The following KCNQ5 variants were observed in gnomAD, a reference collection of about 807,000 sequenced individuals.
KCNQ5 encodes potassium voltage-gated channel subfamily Q member 5.
In KCNQ5, 30 loss-of-function variants were observed where a neutral mutation model predicts 98.2. The ratio of observed to expected loss-of-function variants is 0.31; its 90% confidence interval spans 0.23 to 0.41. The LOEUF is 0.41. KCNQ5 is among the 10% of genes least tolerant of loss of function. KCNQ5 has a pLI of 1.00. For missense variants in KCNQ5, 835 were observed against 1,182.5 expected (o/e 0.71, Z 4.31); for synonymous variants, 458 against 449.4 (o/e 1.02, Z -0.24).
intron 1 of KCNQ5, among the ~76,000 whole-genome samples, chr6:72,866,571 T>C (rs1482082023): frequency 6.6e-6 from 1 of 152,160 alleles, no homozygotes; most frequent in Non-Finnish European, 1.5e-5. Flanking sequence ...TCTCCATCTT[T>C]ATCCTCCTTT....
At chr6:72,658,580 T>TATA (rs35213829) in intron 1 of KCNQ5, among the ~76,000 whole-genome samples, 1,240 of 64,366 alleles carry the variant, frequency 0.019, 22 homozygotes, top group African/African-American at 0.057. Context: ...ATATATATAT[T>TATA]TTTTTTTTTT....
At chr6:73,020,905 A>C (rs925471119) in intron 2 of KCNQ5, among the ~76,000 whole-genome samples, 3 of 149,940 alleles carry the variant, frequency 2.0e-5, no homozygotes, top group Non-Finnish European at 2.9e-5. Flanking sequence ...ATTTCCCTTA[A>C]AGGTGCCCAC....
At chr6:72,816,507 T>C (rs1775515335) in intron 1 of KCNQ5, among the ~76,000 whole-genome samples, 1 of 152,168 alleles carries the variant, frequency 6.6e-6, no homozygotes, top group Non-Finnish European at 1.5e-5. Flanking sequence ...GAGTTTCCAG[T>C]GCCCCATAAA....
chr6:72,830,656 G>A (rs1034182303), intron 1 of KCNQ5, among the ~76,000 whole-genome samples: 27 of 152,094 alleles, frequency 1.8e-4, no homozygotes, highest in East Asian at 5.8e-4. Context: ...CGGCAATACC[G>A]TTCAGGACAT....
At chr6:72,936,441 T>C (rs1015387696) in intron 1 of KCNQ5, among the ~76,000 whole-genome samples, 1 of 152,156 alleles carries the variant, frequency 6.6e-6, no homozygotes, top group Non-Finnish European at 1.5e-5. Context: ...AAACACTCAG[T>C]AAATATTTAT....
intron 1 of KCNQ5, among the ~76,000 whole-genome samples, chr6:72,698,739 C>T (rs912984053): frequency 7.0e-6 from 1 of 143,386 alleles, no homozygotes; most frequent in African/African-American, 2.6e-5. Context: ...TCATAACTCA[C>T]TGCAACCTGG....
intron 5 of KCNQ5, among the ~76,000 whole-genome samples, chr6:73,082,548 G>A (rs1190207151): frequency 1.3e-5 from 2 of 152,120 alleles, no homozygotes; most frequent in Admixed American, 6.5e-5. Flanking sequence ...CCAATATCGT[G>A]ATGTAAAGAT....
intron 1 of KCNQ5, among the ~76,000 whole-genome samples, chr6:72,962,364 G>A (rs1767419133): frequency 6.6e-6 from 1 of 151,122 alleles, no homozygotes; most frequent in South Asian, 2.1e-4. Context: ...AGAGAGGACT[G>A]AGGGATGAAA....
At chr6:72,853,082 C>A (rs1777352367) in intron 1 of KCNQ5, among the ~76,000 whole-genome samples, 2 of 152,094 alleles carry the variant, frequency 1.3e-5, no homozygotes, top group Non-Finnish European at 2.9e-5. Flanking sequence ...ACCAATTTAT[C>A]CTAGCAAAAT....
In KCNQ5 at chr6:72,986,701, AAAG is replaced by A. The variant is rs869256459; in HGVS notation, c.399-17200_399-17198del. 425 of 1,248,378 alleles carry A rather than the reference AAAG, an allele frequency of 3.4e-4. 2 individuals are homozygous for A. In the African/African-American group the frequency reaches 5.0e-3, roughly 15 times the overall value. The allele number at this position is 1,248,378 out of a possible 1,614,324, so 77.3% of individuals were successfully genotyped here. On this transcript the variant is annotated intron_variant, in intron 1 of 13. Coordinates refer to ENST00000370398, the MANE Select transcript of KCNQ5 (RefSeq NM_019842.4). ...TGGAGTTCCTCTGTGGGGAGAAGAA[AAAG>A]AAGAAGTCACCTCCAGCCATGTCCC...
At chr6:72,927,823 AT>A (rs990865149) in intron 1 of KCNQ5, among the ~76,000 whole-genome samples, 56 of 151,416 alleles carry the variant, frequency 3.7e-4, no homozygotes, top group East Asian at 1.6e-3. Context: ...ACCAATACAA[AT>A]TTTTTTTTCA....
intron 1 of KCNQ5, among the ~76,000 whole-genome samples, chr6:72,682,019 A>G (rs72935423): frequency 0.13 from 19,488 of 152,146 alleles, 1,346 homozygotes; most frequent in South Asian, 0.19. Flanking sequence ...GAGATCCTTC[A>G]GATCCATGGT....
At chr6:73,129,955 A>C (rs913078463) in intron 9 of KCNQ5, 2 of 847,004 alleles carry the variant, frequency 2.4e-6, no homozygotes, top group East Asian at 5.5e-5. Context: ...TCAGAGACTC[A>C]CTCTTTCTAG....
At chr6:73,148,250 G>A (rs1354516372) in intron 10 of KCNQ5, among the ~76,000 whole-genome samples, 1 of 152,170 alleles carries the variant, frequency 6.6e-6, no homozygotes, top group East Asian at 1.9e-4. Context: ...TAGCCAGTAA[G>A]TAAGGTTAAT....
intron 1 of KCNQ5, among the ~76,000 whole-genome samples, chr6:72,684,536 A>T (rs1235474375): frequency 2.0e-5 from 3 of 152,196 alleles, no homozygotes; most frequent in Non-Finnish European, 4.4e-5. Flanking sequence ...CTTGATATTG[A>T]TTATTACACA....
chr6:73,095,669 G>C (rs1295754163), intron 5 of KCNQ5, among the ~76,000 whole-genome samples: 1 of 152,134 alleles, frequency 6.6e-6, no homozygotes, highest in Non-Finnish European at 1.5e-5. Context: ...CCTGAGAGCT[G>C]AGCTGTAGTG....
At chr6:72,922,057 T>C (rs16883037) in intron 1 of KCNQ5, among the ~76,000 whole-genome samples, 9,111 of 152,220 alleles carry the variant, frequency 0.06, 805 homozygotes, top group African/African-American at 0.19. Flanking sequence ...GGTATGTAAC[T>C]AGCAATTCAC....
chr6:72,857,508 A>G (rs1305576468), intron 1 of KCNQ5, among the ~76,000 whole-genome samples: 1 of 152,222 alleles, frequency 6.6e-6, no homozygotes, highest in Admixed American at 6.5e-5. Context: ...ATACAAAACA[A>G]GTTTACAGGA....
Position 72,867,973 on chromosome 6 carries a change from A to AC in KCNQ5, c.399-135935_399-135934insC, listed in dbSNP as rs1562035284. Among the ~76,000 whole-genome samples the AC allele has an allele frequency of 5.6e-3, 844 of 150,282 alleles. 15 individuals are homozygous for AC. The South Asian group carries it at 0.065, about 12-fold the overall frequency. ...AATACTACTACTACTACTACTACTA[A>AC]TAATAATAATAATAATTGGAGAGTC... On this transcript the variant is annotated intron_variant, in intron 1 of 13. Transcript: ENST00000370398.
Sources: allele counts gnomAD v4.1 joint callset (sites outside exome capture counted in the v4.1 genomes callset), GRCh38; gene constraint gnomAD v4.1.1; transcripts MANE v1.5; gene names NCBI Gene and HGNC (gene_info 2026-07-23, HGNC 2026-07-21).